Variants in MROH2B observed in about 807,000 individuals in gnomAD.
MROH2B encodes maestro heat like repeat family member 2B, also known as maestro heat-like repeat-containing protein family member 2B.
Under a neutral mutation model 208.6 loss-of-function variants are expected in MROH2B, and 177 were observed. The observed-to-expected ratio is 0.85, with a 90% confidence interval of 0.75 to 0.96. The LOEUF (loss-of-function observed/expected upper bound fraction) is 0.96. MROH2B is among the 40% of genes least tolerant of loss of function. The pLI, the probability that MROH2B is intolerant of heterozygous loss-of-function variation, is 0.00. For missense variants in MROH2B, 2,002 were observed against 1,878.7 expected (o/e 1.07, Z -1.21); for synonymous variants, 728 against 659.0 (o/e 1.10, Z -1.60).
chr5:41,067,355 T>G, intron 2 of MROH2B, 137 bp from the exon 3 acceptor site: 1 of 587,772 alleles, frequency 1.7e-6, no homozygotes, highest in Non-Finnish European at 3.0e-6. Context: ...ATGTCTTAAT[T>G]GAGGCTTTCT....
intron 34 of MROH2B, 60 bp downstream of exon 34, chr5:41,007,250 TTTTG>T (rs941127544): frequency 4.1e-4 from 558 of 1,361,502 alleles, no homozygotes; most frequent in Middle Eastern, 2.9e-3. Context: ...TGTATTGCAC[TTTTG>T]TTTGTTTGTT....
rs1166482295 is a variant in MROH2B at position 41,051,074 on chromosome 5, GTTT to G, written c.1244_1246del (p.Lys415del). The G allele has an allele frequency of 6.5e-7, 1 of 1,548,468 alleles. No homozygotes were observed. Among genetic ancestry groups the G allele is most frequent in the Non-Finnish European group, 8.7e-7 (1 of 1,156,064 alleles). ...TTCCTTTTCATTCTCATGAAAGTTAGTTTTCACTGGTTTCTCCTTTAAGAAAGA... is the reference window on the plus strand; with the variant it reads ...TTCCTTTTCATTCTCATGAAAGTTAGTCACTGGTTTCTCCTTTAAGAAAGA... On this transcript the variant is annotated inframe_deletion, in exon 13 of 42. Coordinates refer to ENST00000399564, the MANE Select transcript of MROH2B (RefSeq NM_173489.5).
At chr5:41,000,968 A>G (rs1741381067) in intron 37 of MROH2B, 135 bp from the exon 38 acceptor site, 3 of 974,748 alleles carry the variant, frequency 3.1e-6, no homozygotes, top group Non-Finnish European at 4.5e-6. Flanking sequence ...CATCATAGTC[A>G]CGGCCTCTAA....
chr5:41,027,738 C>A (rs568346900), intron 24 of MROH2B, among the ~76,000 whole-genome samples: 1 of 152,250 alleles, frequency 6.6e-6, no homozygotes, highest in African/African-American at 2.4e-5. Context: ...CACATGCAGA[C>A]GTATGTTTAT....
At chr5:41,026,387 C>A (rs1259740154) in intron 24 of MROH2B, among the ~76,000 whole-genome samples, 3 of 152,104 alleles carry the variant, frequency 2.0e-5, no homozygotes, top group Non-Finnish European at 2.9e-5. Context: ...TCTTATACAC[C>A]AATAACAGAC....
At position 41,014,137 on chromosome 5, in the gene MROH2B, C is replaced by T. The variant is rs577962979; in HGVS notation, c.2982+1244G>A. Among the ~76,000 whole-genome samples, 48 of 152,264 alleles carry T rather than the reference C, an allele frequency of 3.2e-4. 2 individuals carry two copies. Among genetic ancestry groups the T allele is most frequent in the Admixed American group, 1.1e-3 (17 of 15,280 alleles). On this transcript the variant is annotated intron_variant, in intron 29 of 41. Transcript: ENST00000399564. ...TCTCTCTGTGAGTGTATTGTCATAA[C>T]GTACTGATTTTGCTGGATCCTTTAC...
rs779547739 is a variant in MROH2B, at chr5:41,052,557, T to C, written c.1138A>G (p.Thr380Ala). The change falls in exon 12 of 42, where the codon ACC becomes GCC. Residue 380 changes from threonine (T) to alanine (A), a missense_variant. Transcript: ENST00000399564. ...VRNSVLLLIQ[T>A]MCEKSYIEAR... ...TCAATATAGGACTTTTCACACATGG[T>C]TTGGATGAGGAGAAGAACAGAATTT... The C allele has an allele frequency of 6.2e-7, 1 of 1,611,272 alleles. No individual in the cohort carries two copies. The highest frequency in any genetic ancestry group is 8.5e-7 in the Non-Finnish European group (1 of 1,178,398).
At chr5:41,028,774 T>A (rs325817) in intron 24 of MROH2B, among the ~76,000 whole-genome samples, 116,579 of 152,048 alleles carry the variant, frequency 0.77, 45,031 homozygotes, top group Non-Finnish European at 0.82. Context: ...ATAAATATGG[T>A]GGTACAGATA....
intron 10 of MROH2B, 23 bp from the exon 11 acceptor site, chr5:41,054,863 G>T: frequency 1.3e-6 from 2 of 1,552,338 alleles, no homozygotes; most frequent in South Asian, 1.1e-5. Flanking sequence ...GGGAGAAATT[G>T]AGAGGCCTGA....
chr5:41,047,832 C>T (rs937136192), intron 16 of MROH2B, 68 bp from the exon 17 acceptor site: 5 of 1,305,456 alleles, frequency 3.8e-6, no homozygotes, highest in Non-Finnish European at 5.4e-6. Flanking sequence ...ATTCTCCCCT[C>T]CAGGCCTCCA....
chr5:41,068,030 C>A (rs1743864847), intron 2 of MROH2B, among the ~76,000 whole-genome samples: 1 of 152,112 alleles, frequency 6.6e-6, no homozygotes. Flanking sequence ...TTAGACAGGG[C>A]CTCCAGTTGT....
chr5:41,030,608 A>T (rs897570524), intron 24 of MROH2B, among the ~76,000 whole-genome samples: 7 of 152,078 alleles, frequency 4.6e-5, no homozygotes, highest in African/African-American at 1.7e-4. Context: ...TTTTCATAGG[A>T]TATAGGAAAA....
At chr5:41,054,602 C>T (rs1743387762) in intron 11 of MROH2B, among the ~76,000 whole-genome samples, 165 bp downstream of exon 11, 1 of 152,094 alleles carries the variant, frequency 6.6e-6, no homozygotes, top group African/African-American at 2.4e-5. Context: ...TAGGCCTCTA[C>T]CTTGATGAAG....
chr5:40,998,636 G>A lies in MROH2B; in HGVS notation c.4627C>T (p.Leu1543=), dbSNP rs746999172. Residue 1543 remains leucine (L), a synonymous_variant, in exon 41 of 42, where the codon CTA becomes TTA. Coordinates refer to ENST00000399564, the MANE Select transcript of MROH2B (RefSeq NM_173489.5). ...CGTGTGGTCAGTTGTTCTCTGTCTA[G>A]TAACTCCACATATTGGCTGGTCAAA... ...LNLTSQYVEL[L]DREQLTTRLQ... 7.5e-6 allele frequency: 12 copies of A among 1,596,698 alleles called. No homozygotes were observed. The highest frequency in any genetic ancestry group is 1.3e-5 in the African/African-American group (1 of 74,832).
intron 10 of MROH2B, 37 bp from the exon 11 acceptor site, chr5:41,054,877 A>C: frequency 7.0e-7 from 1 of 1,422,422 alleles, no homozygotes; most frequent in Non-Finnish European, 9.9e-7. Flanking sequence ...GGCCTGACTC[A>C]ATAGAAGTAC....
chr5:41,044,601 G>T (rs1743060635), intron 18 of MROH2B, among the ~76,000 whole-genome samples: 1 of 152,174 alleles, frequency 6.6e-6, no homozygotes, highest in Non-Finnish European at 1.5e-5. Flanking sequence ...GCTAGTTTGT[G>T]TTATAAGAAG....
intron 37 of MROH2B, among the ~76,000 whole-genome samples, chr5:41,002,682 T>A (rs907436668): frequency 6.6e-6 from 1 of 152,202 alleles, no homozygotes; most frequent in African/African-American, 2.4e-5. Context: ...CTATTAGAGA[T>A]GAGCAAGGTC....
In MROH2B at chr5:41,012,749, C is replaced by T; in HGVS notation, c.2983-14G>A. Reference sequence around the variant, plus strand: ...CTTACTGACAATCTGAAAATGCACCCAGAAAGATTCGTGTAATCAACCACC... The same window carrying T: ...CTTACTGACAATCTGAAAATGCACCTAGAAAGATTCGTGTAATCAACCACC... On this transcript the variant is annotated splice_polypyrimidine_tract_variant and intron_variant, in intron 29 of 41. Coordinates refer to ENST00000399564, the MANE Select transcript of MROH2B (RefSeq NM_173489.5). 1 of 1,612,710 alleles carries T rather than the reference C, an allele frequency of 6.2e-7. No homozygotes were observed. Among genetic ancestry groups the T allele is most frequent in the South Asian group, 1.1e-5 (1 of 90,876 alleles).
At chr5:41,052,090 C>A (rs1743302388) in intron 12 of MROH2B, among the ~76,000 whole-genome samples, 1 of 151,910 alleles carries the variant, frequency 6.6e-6, no homozygotes, top group Non-Finnish European at 1.5e-5. Context: ...TTCTCGGAAG[C>A]AATCCAGTCT....
Sources: gnomAD v4.1 joint callset for allele counts (sites outside exome capture counted in the v4.1 genomes callset) on GRCh38, gnomAD v4.1.1 for gene constraint, MANE v1.5 for transcripts, NCBI Gene and HGNC (gene_info 2026-07-23, HGNC 2026-07-21) for gene names.